GRID2IP: variants seen among roughly 807,000 people sequenced by gnomAD.
The protein encoded by GRID2IP is delphilin.
Under a neutral mutation model 114.3 loss-of-function variants are expected in GRID2IP, and 78 were observed. The observed-to-expected ratio is 0.68, with a 90% confidence interval of 0.57 to 0.82. GRID2IP has a LOEUF of 0.82. Among genes scored for constraint, GRID2IP ranks in the 40% least tolerant of loss-of-function variants. The pLI, the probability that GRID2IP is intolerant of heterozygous loss-of-function variation, is 0.00. For synonymous variants in GRID2IP, 809 were observed against 724.0 expected, an observed-to-expected ratio of 1.12 and a Z score of -1.89; for missense variants, 1,727 against 1,678.5, an observed-to-expected ratio of 1.03 and a Z score of -0.51.
rs758764330 is a variant in GRID2IP at position 6,536,500 on chromosome 7, CG to C, written c.584+3217del. ...GGGAAAGGCGGGCATGGGGCTGTCC[CG>C]GGGGGCAGGCGGGCTGGCCCGGGAG... On this transcript the variant is annotated intron_variant, in intron 2 of 21. Coordinates refer to ENST00000457091, the MANE Select transcript of GRID2IP (RefSeq NM_001145118.2). This position sits in a 1 kb window ranked among gnomAD's most constrained non-coding sequence, Gnocchi z 5.3. Among the ~76,000 whole-genome samples the C allele has an allele frequency of 0.011, 1,686 of 152,272 alleles. 16 individuals are homozygous for C. The highest frequency in any genetic ancestry group is 0.019 in the Non-Finnish European group (1,310 of 67,992).
chr7:6,533,798 A>G (rs1779677946), intron 2 of GRID2IP, among the ~76,000 whole-genome samples: 1 of 150,978 alleles, frequency 6.6e-6, no homozygotes, highest in Non-Finnish European at 1.5e-5. Flanking sequence ...GGCATGAACC[A>G]CCAAACCCAG....
At position 6,516,491 on chromosome 7, in the gene GRID2IP, C is replaced by T. The variant is rs1779302337; in HGVS notation, c.1269-1962G>A. On this transcript the variant is annotated intron_variant, in intron 7 of 21. Coordinates refer to ENST00000457091, the MANE Select transcript of GRID2IP (RefSeq NM_001145118.2). This position sits in a 1 kb window ranked among gnomAD's most constrained non-coding sequence, Gnocchi z 4.3. ...CAAGAGTGTGAGCCCTCCGTTATGC[C>T]TGGACAGGGCCACTAGAGGGCTCCC... Among the ~76,000 whole-genome samples the T allele has an allele frequency of 1.3e-5, 2 of 152,148 alleles. No homozygotes were observed. Among genetic ancestry groups the T allele is most frequent in the Admixed American group, 1.3e-4 (2 of 15,268 alleles).
chr7:6,500,861 T>G (rs563448039), intron 20 of GRID2IP, among the ~76,000 whole-genome samples: 2 of 152,304 alleles, frequency 1.3e-5, no homozygotes, highest in Admixed American at 1.3e-4. Context: ...GGCCAGGCCC[T>G]GTTTGGAGGC....
At chr7:6,550,482 G>T (rs1779956916) in intron 1 of GRID2IP, among the ~76,000 whole-genome samples, 1 of 151,776 alleles carries the variant, frequency 6.6e-6, no homozygotes. Flanking sequence ...TACACCTATA[G>T]TACCTTAATA....
At position 6,516,872 on chromosome 7, in the gene GRID2IP, G is replaced by A. The variant is rs375687147; in HGVS notation, c.1269-2343C>T. On this transcript the variant is annotated intron_variant, in intron 7 of 21. Coordinates refer to ENST00000457091, the MANE Select transcript of GRID2IP (RefSeq NM_001145118.2). The surrounding 1 kb of genome is among the most constrained non-coding windows in gnomAD (Gnocchi z 4.3). ...GAAGGGCCCCCTGTCTGGCGGACAC[G>A]TGACTCACATGACCTTACCTATCAT... 2.6e-5 allele frequency among the ~76,000 whole-genome samples: 4 copies of A among 152,186 alleles called. No homozygotes were observed. In the South Asian group the frequency reaches 8.3e-4, roughly 32 times the overall value.
In GRID2IP at chr7:6,503,680, G is replaced by C. The variant is rs1416297975; in HGVS notation, c.2718C>G (p.Leu906=). The part of the protein sequence containing the change: ...SHKKAYNTSI[L]LAHLKLSPAE... ...CGGGGCTCAGCTTCAGGTGTGCCAA[G>C]AGGATGGCTGCGGGCGGGGCGGGGC... The change falls in exon 16 of 22, where the codon CTC becomes CTG. Residue 906 remains leucine, a synonymous_variant. Coordinates refer to ENST00000457091, the MANE Select transcript of GRID2IP (RefSeq NM_001145118.2). 5.4e-6 allele frequency: 8 copies of C among 1,493,558 alleles called. No homozygotes were observed. In the Admixed American group the frequency reaches 6.8e-5, roughly 13 times the overall value. 92.5% of individuals were successfully genotyped at this position (1,493,558 alleles called of 1,614,324 possible).
At chr7:6,503,712 C>A (rs1786487086) in intron 15 of GRID2IP, 25 bp from the exon 16 acceptor site, 4 of 1,151,564 alleles carry the variant, frequency 3.5e-6, no homozygotes, top group Non-Finnish European at 4.5e-6. Flanking sequence ...GGGCGGTGAG[C>A]TGGGCGGGGC....
Position 6,508,738 on chromosome 7 carries a change from A to AG in GRID2IP, c.2127+219dup, listed in dbSNP as rs1244883841. Among the ~76,000 whole-genome samples, 2 of 152,168 alleles carry AG rather than the reference A, an allele frequency of 1.3e-5. No individual in the cohort carries two copies. The highest frequency in any genetic ancestry group is 2.9e-5 in the Non-Finnish European group (2 of 68,016). ...GCTAAGGAATGGGCTAACCTGCGAC[A>AG]GGGAATATGGGCTAGCCTCAGTCAA... is the stretch of plus-strand genomic sequence containing the variant. On this transcript the variant is annotated intron_variant, in intron 12 of 21. Coordinates refer to ENST00000457091, the MANE Select transcript of GRID2IP (RefSeq NM_001145118.2). The surrounding 1 kb of genome is among the most constrained non-coding windows in gnomAD (Gnocchi z 5.6).
Position 6,506,570 on chromosome 7 carries a change from A to T in GRID2IP, c.2545-663T>A, listed in dbSNP as rs1385696819. On this transcript the variant is annotated intron_variant, in intron 13 of 21. Coordinates refer to ENST00000457091, the MANE Select transcript of GRID2IP (RefSeq NM_001145118.2). The surrounding 1 kb of genome is among the most constrained non-coding windows in gnomAD (Gnocchi z 5.2). ...TCCCTGTGTCCACCTTTGGTAACCA[A>T]TGGAAGAACCACGCTGTGGAGCAAT... 6.6e-6 allele frequency among the ~76,000 whole-genome samples: 1 copy of T among 152,102 alleles called. No homozygotes were observed. The highest frequency in any genetic ancestry group is 2.4e-5 in the African/African-American group (1 of 41,422).
chr7:6,550,976 T>TACCCCCCC, intron 1 of GRID2IP, 32 bp downstream of exon 1: 1 of 1,015,788 alleles, frequency 9.8e-7, no homozygotes, highest in Non-Finnish European at 1.2e-6. Context: ...GCCCCCTCCT[T>TACCCCCCC]CCCGCCCCCA....
intron 7 of GRID2IP, among the ~76,000 whole-genome samples, chr7:6,517,211 C>T (rs866643457): frequency 2.0e-5 from 3 of 150,814 alleles, no homozygotes; most frequent in Non-Finnish European, 3.0e-5. Flanking sequence ...CCTGCCACCA[C>T]GCCCGGCTAT....
intron 1 of GRID2IP, 33 bp downstream of exon 1, chr7:6,550,975 T>TG: frequency 4.6e-6 from 3 of 654,372 alleles, no homozygotes; most frequent in Non-Finnish European, 5.9e-6. Context: ...AGCCCCCTCC[T>TG]TCCCGCCCCC....
At position 6,497,639 on chromosome 7, in the gene GRID2IP, T is replaced by G; in HGVS notation, c.*135A>C. Reference sequence around the variant, plus strand: ...GAGGGCCCGACCACAGCTCGGCGGCTGAGGTAGCTGCAGGAGAGGCTGGCG... The same window carrying G: ...GAGGGCCCGACCACAGCTCGGCGGCGGAGGTAGCTGCAGGAGAGGCTGGCG... On this transcript the variant is annotated 3_prime_UTR_variant, in exon 22 of 22. Transcript: ENST00000457091. 3.3e-6 allele frequency: 2 copies of G among 612,148 alleles called. No individual in the cohort carries two copies. The highest frequency in any genetic ancestry group is 5.5e-6 in the Non-Finnish European group (2 of 360,362). The allele number at this position is 612,148 out of a possible 1,614,324, so 37.9% of individuals were successfully genotyped here. A position where few individuals can be genotyped will look rare whatever the true frequency, so the allele number is the denominator to read the frequency against.
intron 20 of GRID2IP, among the ~76,000 whole-genome samples, chr7:6,499,278 A>C (rs1786346465): frequency 6.6e-6 from 1 of 150,418 alleles, no homozygotes; most frequent in Non-Finnish European, 1.5e-5. Context: ...AGAGGTTCTC[A>C]TGACCCCTCT....
At chr7:6,547,234 C>T (rs1255090426) in intron 1 of GRID2IP, among the ~76,000 whole-genome samples, 3 of 152,276 alleles carry the variant, frequency 2.0e-5, no homozygotes, top group East Asian at 3.9e-4. Flanking sequence ...TTCTGTAGTG[C>T]AAACGCACTA....
At chr7:6,502,392 T>A (rs1207142988) in intron 18 of GRID2IP, among the ~76,000 whole-genome samples, 1 of 152,122 alleles carries the variant, frequency 6.6e-6, no homozygotes, top group Non-Finnish European at 1.5e-5. Context: ...TAGCTAATTA[T>A]TTTTGTAGAA....
intron 13 of GRID2IP, 59 bp from the exon 14 acceptor site, chr7:6,505,966 C>A: frequency 2.5e-6 from 3 of 1,188,880 alleles, no homozygotes; most frequent in Non-Finnish European, 3.7e-6. Flanking sequence ...GACTGGCCTC[C>A]CACTTCCCAC....
At position 6,543,412 on chromosome 7, in the gene GRID2IP, C is replaced by G. The variant is rs1779842433; in HGVS notation, c.430-3540G>C. 2.0e-5 allele frequency among the ~76,000 whole-genome samples: 3 copies of G among 151,826 alleles called. 1 individual carries two copies. In the South Asian group the frequency reaches 6.2e-4, roughly 32 times the overall value. ...CTCTGTCTCAAAAAAAAAAAAAGCCCCCTTTGTAGTCAAGGCCAAATCACC... is the reference window on the plus strand; with the variant it reads ...CTCTGTCTCAAAAAAAAAAAAAGCCGCCTTTGTAGTCAAGGCCAAATCACC... On this transcript the variant is annotated intron_variant, in intron 1 of 21. Transcript: ENST00000457091.
chr7:6,510,512 C>A (rs1008771398), intron 10 of GRID2IP, 97 bp downstream of exon 10: 9 of 1,304,392 alleles, frequency 6.9e-6, no homozygotes, highest in Non-Finnish European at 8.3e-6. Context: ...TGAAGCAGCA[C>A]AGGGACGCCT....
Sources: gnomAD v4.1 joint callset for allele counts (sites outside exome capture counted in the v4.1 genomes callset) on GRCh38, gnomAD v4.1.1 for gene constraint, Gnocchi (gnomAD v3.1) non-coding constraint, MANE v1.5 for transcripts, NCBI Gene and HGNC (gene_info 2026-07-23, HGNC 2026-07-21) for gene names.